CNTN4: variants seen among roughly 807,000 people sequenced by gnomAD.
CNTN4 encodes contactin-4.
Under a neutral mutation model 122.5 loss-of-function variants are expected in CNTN4, and 77 were observed. That is an observed-to-expected ratio of 0.63 (90% CI 0.52 to 0.76). CNTN4 has a LOEUF of 0.76. Among genes scored for constraint, CNTN4 ranks in the 30% least tolerant of loss-of-function variants. The pLI, the probability that CNTN4 is intolerant of heterozygous loss-of-function variation, is 0.00. For missense variants in CNTN4, 1,256 were observed against 1,259.1 expected, an observed-to-expected ratio of 1.00 and a Z score of 0.04; for synonymous variants, 512 against 447.0, an observed-to-expected ratio of 1.15 and a Z score of -1.83.
chr3:2,129,264 CAA>C (rs11390812), intron 2 of CNTN4, among the ~76,000 whole-genome samples: 41 of 63,828 alleles, frequency 6.4e-4, no homozygotes, highest in Admixed American at 5.2e-4. Flanking sequence ...TCCAAACCTG[CAA>C]AAAAAAAAAA....
intron 2 of CNTN4, among the ~76,000 whole-genome samples, chr3:2,244,659 T>G (rs1404058172): frequency 6.6e-6 from 1 of 152,070 alleles, no homozygotes; most frequent in African/African-American, 2.4e-5. Flanking sequence ...ATATGTGTCT[T>G]GCATTATATT....
chr3:2,980,517 C>T (rs1261884547), intron 13 of CNTN4, among the ~76,000 whole-genome samples: 1 of 152,076 alleles, frequency 6.6e-6, no homozygotes, highest in Non-Finnish European at 1.5e-5. Context: ...TTGAGGAAAC[C>T]AAGATGAGAT....
At chr3:2,942,112 G>T (rs553639412) in intron 13 of CNTN4, among the ~76,000 whole-genome samples, 1 of 152,178 alleles carries the variant, frequency 6.6e-6, no homozygotes, top group Admixed American at 6.5e-5. Flanking sequence ...TATTTATCCA[G>T]CACTAGCCCT....
At chr3:2,380,945 C>T (rs2045994468) in intron 3 of CNTN4, among the ~76,000 whole-genome samples, 1 of 151,898 alleles carries the variant, frequency 6.6e-6, no homozygotes, top group South Asian at 2.1e-4. Context: ...TTTCTATTGT[C>T]TTGAGTACTG....
chr3:2,147,644 C>T (rs1394292690), intron 2 of CNTN4, among the ~76,000 whole-genome samples: 1 of 152,140 alleles, frequency 6.6e-6, no homozygotes, highest in African/African-American at 2.4e-5. Flanking sequence ...CCCATTATTT[C>T]CCATCTCAAC....
chr3:2,886,088 G>A (rs955930832), intron 9 of CNTN4, among the ~76,000 whole-genome samples: 1 of 152,140 alleles, frequency 6.6e-6, no homozygotes, highest in African/African-American at 2.4e-5. Flanking sequence ...CCAGATTCAA[G>A]GGGAGGGGCC....
chr3:2,831,085 G>T (rs1420113766), intron 7 of CNTN4, among the ~76,000 whole-genome samples: 2 of 152,082 alleles, frequency 1.3e-5, no homozygotes, highest in East Asian at 3.9e-4. Context: ...CAGACATTAG[G>T]AACAAAATAA....
chr3:2,591,153 G>A (rs2080452706), intron 4 of CNTN4, among the ~76,000 whole-genome samples: 1 of 152,128 alleles, frequency 6.6e-6, no homozygotes, highest in African/African-American at 2.4e-5. Flanking sequence ...CTAGACTGGA[G>A]CTCCATTTGA....
intron 7 of CNTN4, among the ~76,000 whole-genome samples, chr3:2,846,675 G>A (rs539855649): frequency 6.6e-6 from 1 of 152,286 alleles, no homozygotes; most frequent in South Asian, 2.1e-4. Context: ...GTTCATAGCT[G>A]TTGAGTTGTA....
At chr3:2,390,942 A>T (rs539385942) in intron 3 of CNTN4, among the ~76,000 whole-genome samples, 1 of 152,204 alleles carries the variant, frequency 6.6e-6, no homozygotes, top group Non-Finnish European at 1.5e-5. Flanking sequence ...TTCTTCAAGT[A>T]TGTTTTTGAG....
intron 3 of CNTN4, among the ~76,000 whole-genome samples, chr3:2,463,248 T>G (rs2049296047): frequency 6.6e-6 from 1 of 150,830 alleles, no homozygotes; most frequent in Non-Finnish European, 1.5e-5. Flanking sequence ...CTAATAAAAC[T>G]GTAAAATAAG....
chr3:2,946,084 T>G (rs186451560), intron 13 of CNTN4, among the ~76,000 whole-genome samples: 1 of 152,192 alleles, frequency 6.6e-6, no homozygotes, highest in Non-Finnish European at 1.5e-5. Context: ...AATGAAACTT[T>G]AGAGATAAAC....
At chr3:2,316,001 T>G (rs73807715) in intron 2 of CNTN4, among the ~76,000 whole-genome samples, 641 of 152,172 alleles carry the variant, frequency 4.2e-3, no homozygotes, top group African/African-American at 0.015. Context: ...TTCTAACTTC[T>G]GGTATTATTT....
At chr3:2,249,270 A>G (rs1277054651) in intron 2 of CNTN4, among the ~76,000 whole-genome samples, 5 of 151,946 alleles carry the variant, frequency 3.3e-5, no homozygotes, top group Admixed American at 2.0e-4. Flanking sequence ...GAGGAGTACT[A>G]TGAAAAATGA....
At chr3:2,999,246 T>C (rs1042522125) in intron 14 of CNTN4, 1 of 152,214 alleles carries the variant, frequency 6.6e-6, no homozygotes, top group South Asian at 2.1e-4. Context: ...CCTGGTTTCT[T>C]TATGAATATG....
intron 5 of CNTN4, among the ~76,000 whole-genome samples, chr3:2,739,006 G>A (rs982162219): frequency 6.6e-6 from 1 of 151,874 alleles, no homozygotes; most frequent in African/African-American, 2.4e-5. Flanking sequence ...TATGGGTAAG[G>A]GATTCATATC....
intron 3 of CNTN4, among the ~76,000 whole-genome samples, chr3:2,523,192 C>A (rs1559634472): frequency 6.6e-6 from 1 of 151,888 alleles, no homozygotes; most frequent in East Asian, 1.9e-4. Context: ...GAAAGACACT[C>A]TTGTTTGTTT....
At chr3:2,471,530 AATT>A (rs1482223961) in intron 3 of CNTN4, among the ~76,000 whole-genome samples, 3 of 152,106 alleles carry the variant, frequency 2.0e-5, no homozygotes, top group Non-Finnish European at 4.4e-5. Flanking sequence ...AATGGGGAAA[AATT>A]ATTATTTCCC....
At chr3:2,288,731 T>C (rs1300939243) in intron 2 of CNTN4, among the ~76,000 whole-genome samples, 2 of 151,962 alleles carry the variant, frequency 1.3e-5, no homozygotes, top group Admixed American at 1.3e-4. Context: ...AGTGGAAGGA[T>C]TGTAAGAAGA....
Sources: allele counts gnomAD v4.1 joint callset (sites outside exome capture counted in the v4.1 genomes callset), GRCh38; gene constraint gnomAD v4.1.1; transcripts MANE v1.5; gene names NCBI Gene and HGNC (gene_info 2026-07-23, HGNC 2026-07-21).